The following SPOCK1 variants were observed in gnomAD, a reference collection of about 807,000 sequenced individuals.
The protein encoded by SPOCK1 is SPARC (osteonectin), cwcv and kazal like domains proteoglycan 1.
In SPOCK1, 23 loss-of-function variants were observed where a neutral mutation model predicts 55.3. The observed-to-expected ratio is 0.42, with a 90% confidence interval of 0.30 to 0.59. SPOCK1 has a LOEUF of 0.59. Ranked by LOEUF, SPOCK1 falls within the 20% of genes least tolerant of loss-of-function variation. SPOCK1 has a pLI of 0.22. For missense variants in SPOCK1, 499 were observed against 552.5 expected, an observed-to-expected ratio of 0.90 and a Z score of 0.97; for synonymous variants, 226 against 221.0, an observed-to-expected ratio of 1.02 and a Z score of -0.20.
At chr5:137,218,062 A>G (rs1393228195) in intron 3 of SPOCK1, among the ~76,000 whole-genome samples, 1 of 152,204 alleles carries the variant, frequency 6.6e-6, no homozygotes, top group East Asian at 1.9e-4. Context: ...GACATGGCTA[A>G]TCAATTACAG....
intron 2 of SPOCK1, among the ~76,000 whole-genome samples, chr5:137,468,243 G>A (rs971439288): frequency 1.3e-5 from 2 of 152,196 alleles, no homozygotes; most frequent in Non-Finnish European, 2.9e-5. Flanking sequence ...AGAACAGAGG[G>A]CTGCCAATAC....
At chr5:137,187,758 A>C (rs1755103181) in intron 3 of SPOCK1, among the ~76,000 whole-genome samples, 1 of 152,176 alleles carries the variant, frequency 6.6e-6, no homozygotes, top group Admixed American at 6.5e-5. Flanking sequence ...AAATCTGTGT[A>C]TAGTTATGTG....
chr5:137,403,284 TAGAA>T (rs527788287), intron 2 of SPOCK1, among the ~76,000 whole-genome samples: 3 of 152,150 alleles, frequency 2.0e-5, no homozygotes, highest in Non-Finnish European at 4.4e-5. Context: ...TGCACCCAGA[TAGAA>T]AGACAACCTC....
chr5:137,273,490 A>G (rs1451426405), intron 2 of SPOCK1: 2 of 574,672 alleles, frequency 3.5e-6, no homozygotes, highest in East Asian at 1.4e-4. Flanking sequence ...TCAAATTATC[A>G]TAACATTAGA....
chr5:137,397,605 T>C (rs1280334952), intron 2 of SPOCK1, among the ~76,000 whole-genome samples: 1 of 152,182 alleles, frequency 6.6e-6, no homozygotes, highest in East Asian at 1.9e-4. Flanking sequence ...ATTGTGGACT[T>C]TACCTGTCTG....
At chr5:137,498,704 G>A (rs1754364438) in intron 1 of SPOCK1, 146 bp from the exon 2 acceptor site, 1 of 499,444 alleles carries the variant, frequency 2.0e-6, no homozygotes, top group Non-Finnish European at 2.8e-6. Context: ...CGCCTGTCGC[G>A]CCTCTAGACC....
At chr5:137,157,942 A>G (rs1754450740) in intron 3 of SPOCK1, among the ~76,000 whole-genome samples, 1 of 152,160 alleles carries the variant, frequency 6.6e-6, no homozygotes, top group Non-Finnish European at 1.5e-5. Context: ...CTTGCCTGCA[A>G]TGCCACTTAC....
intron 3 of SPOCK1, among the ~76,000 whole-genome samples, chr5:137,224,398 A>G (rs1755910958): frequency 6.6e-6 from 1 of 152,228 alleles, no homozygotes. Context: ...GGAGTAAGTG[A>G]CATGCTTTCA....
chr5:137,080,626 C>T (rs1384725152), intron 5 of SPOCK1, among the ~76,000 whole-genome samples: 2 of 151,958 alleles, frequency 1.3e-5, no homozygotes, highest in Non-Finnish European at 2.9e-5. Flanking sequence ...CAGATGTATC[C>T]CAGGCACACA....
intron 3 of SPOCK1, among the ~76,000 whole-genome samples, chr5:137,155,340 C>A (rs575877505): frequency 3.9e-5 from 6 of 152,256 alleles, no homozygotes; most frequent in African/African-American, 1.4e-4. Context: ...CCATAGCAGT[C>A]CCCCGTCCCC....
At position 137,086,474 on chromosome 5, in the gene SPOCK1, C is replaced by T. The variant is rs568900625; in HGVS notation, c.475-18645G>A. 6.6e-5 allele frequency among the ~76,000 whole-genome samples: 10 copies of T among 152,288 alleles called. No homozygotes were observed. In the South Asian group the frequency reaches 1.9e-3, roughly 28 times the overall value. ...AGTCTCAAACATGAGGGCACAGGCT[C>T]TTTGTTTACTCTGAGTGTGGGCAAA... On this transcript the variant is annotated intron_variant, in intron 5 of 10. Transcript: ENST00000394945.
intron 3 of SPOCK1, among the ~76,000 whole-genome samples, chr5:137,232,641 T>A (rs1318855596): frequency 6.6e-6 from 1 of 152,250 alleles, no homozygotes. Context: ...TTCTTCTTTG[T>A]CAAAATCACT....
rs550805067 is a variant in SPOCK1 at position 137,051,429 on chromosome 5, T to C, written c.589+16286A>G. ...TCCTGTTTGAATGCCACTGGCCTTA[T>C]GCATCAAACATGAAAAATTCAAGCC... is the stretch of plus-strand genomic sequence containing the variant. On this transcript the variant is annotated intron_variant, in intron 6 of 10. Transcript: ENST00000394945. 1.1e-4 allele frequency among the ~76,000 whole-genome samples: 16 copies of C among 152,322 alleles called. No homozygotes were observed. The South Asian group carries it at 3.3e-3, about 32-fold the overall frequency.
chr5:137,183,849 T>A (rs1274455577), intron 3 of SPOCK1, among the ~76,000 whole-genome samples: 1 of 152,210 alleles, frequency 6.6e-6, no homozygotes. Context: ...GGATTAAAAT[T>A]CCAGCTCCAT....
In SPOCK1 at chr5:137,170,782, C is replaced by T. The variant is rs564391123; in HGVS notation, c.233-30088G>A. ...AAATAAATTTCTGTTATTTAAGCCA[C>T]TCATTATATGGTATTTTGTTGTGGC... On this transcript the variant is annotated intron_variant, in intron 3 of 10. Transcript: ENST00000394945. Among the ~76,000 whole-genome samples, 4 of 152,290 alleles carry T rather than the reference C, an allele frequency of 2.6e-5. No homozygotes were observed. The East Asian group carries it at 7.7e-4, about 29-fold the overall frequency.
At chr5:137,415,927 C>A (rs1561529631) in intron 2 of SPOCK1, among the ~76,000 whole-genome samples, 1 of 152,100 alleles carries the variant, frequency 6.6e-6, no homozygotes, top group African/African-American at 2.4e-5. Context: ...TAGATAAAAA[C>A]TGTAAACCCA....
chr5:137,193,765 T>C (rs1013758904), intron 3 of SPOCK1, among the ~76,000 whole-genome samples: 8 of 152,162 alleles, frequency 5.3e-5, no homozygotes, highest in Non-Finnish European at 1.2e-4. Context: ...CATGAATACT[T>C]GATAGCTCAA....
intron 3 of SPOCK1, among the ~76,000 whole-genome samples, chr5:137,233,490 G>A (rs1756112055): frequency 6.6e-6 from 1 of 151,780 alleles, no homozygotes; most frequent in Admixed American, 6.6e-5. Flanking sequence ...GGGAGTGACT[G>A]TAAATACAGA....
chr5:137,161,298 C>T (rs1303178139), intron 3 of SPOCK1, among the ~76,000 whole-genome samples: 1 of 151,496 alleles, frequency 6.6e-6, no homozygotes, highest in Non-Finnish European at 1.5e-5. Flanking sequence ...ATATTCCAGG[C>T]CATATATATA....
Sources: gnomAD v4.1 joint callset for allele counts (sites outside exome capture counted in the v4.1 genomes callset) on GRCh38, gnomAD v4.1.1 for gene constraint, MANE v1.5 for transcripts, NCBI Gene and HGNC (gene_info 2026-07-23, HGNC 2026-07-21) for gene names.